The following MTREX variants were observed in gnomAD, a reference collection of about 807,000 sequenced individuals.
MTREX encodes Mtr4 exosome RNA helicase.
MTREX carries 76 observed loss-of-function variants against 135.4 expected under a neutral mutation model. The observed-to-expected ratio is 0.56, with a 90% confidence interval of 0.47 to 0.68. MTREX has a LOEUF of 0.68. Ranked by LOEUF, MTREX falls within the 30% of genes least tolerant of loss-of-function variation. The pLI, the probability that MTREX is intolerant of heterozygous loss-of-function variation, is 0.00. For synonymous variants in MTREX, 404 were observed against 401.6 expected (o/e 1.01, Z -0.07); for missense variants, 920 against 1,262.1 (o/e 0.73, Z 4.11).
At chr5:55,348,931 T>C (rs2085398) in intron 11 of MTREX, among the ~76,000 whole-genome samples, 22,233 of 152,196 alleles carry the variant, frequency 0.15, 2,088 homozygotes, top group East Asian at 0.26. Flanking sequence ...AAAAACTAAG[T>C]TTCACTTTAC....
chr5:55,404,203 T>A (rs1750765889), intron 21 of MTREX, among the ~76,000 whole-genome samples: 1 of 152,234 alleles, frequency 6.6e-6, no homozygotes. Context: ...GGATTTCAAC[T>A]TATCAAAACT....
intron 26 of MTREX, chr5:55,424,019 TC>T (rs1751102122): frequency 6.6e-6 from 1 of 152,134 alleles, no homozygotes. Context: ...AGAAAGAATT[TC>T]ACATGGGAAC....
At chr5:55,413,833 A>G (rs1330331338) in intron 23 of MTREX, among the ~76,000 whole-genome samples, 4 of 152,226 alleles carry the variant, frequency 2.6e-5, no homozygotes, top group Non-Finnish European at 5.9e-5. Flanking sequence ...TTAAACTATG[A>G]TAAAACCCTT....
chr5:55,326,443 C>A (rs569007577), intron 3 of MTREX, among the ~76,000 whole-genome samples: 1 of 152,118 alleles, frequency 6.6e-6, no homozygotes, highest in East Asian at 1.9e-4. Context: ...AAACTCTATT[C>A]TCAGGAGGTC....
At chr5:55,339,602 GA>G in intron 5 of MTREX, among the ~76,000 whole-genome samples, 1 of 152,304 alleles carries the variant, frequency 6.6e-6, no homozygotes, top group East Asian at 1.9e-4. Context: ...AATACATATA[GA>G]TTAACTTATT....
chr5:55,407,623 C>T (rs183010502), intron 22 of MTREX, among the ~76,000 whole-genome samples: 2 of 152,258 alleles, frequency 1.3e-5, no homozygotes, highest in African/African-American at 4.8e-5. Flanking sequence ...CCCATTTTGC[C>T]TTTTTAAACA....
chr5:55,347,827 C>T (rs998014235), intron 11 of MTREX, among the ~76,000 whole-genome samples: 8 of 152,142 alleles, frequency 5.3e-5, no homozygotes, highest in African/African-American at 1.9e-4. Context: ...GCTGGGGATG[C>T]CTCACAATCA....
At chr5:55,382,451 A>G (rs1025454231) in intron 18 of MTREX, among the ~76,000 whole-genome samples, 3 of 152,106 alleles carry the variant, frequency 2.0e-5, no homozygotes, top group African/African-American at 7.2e-5. Context: ...TTCCAGTGTG[A>G]TATAGAGGTG....
At chr5:55,312,077 A>T (rs1209052410) in intron 1 of MTREX, among the ~76,000 whole-genome samples, 1 of 152,178 alleles carries the variant, frequency 6.6e-6, no homozygotes, top group Non-Finnish European at 1.5e-5. Flanking sequence ...AACCTTTCAC[A>T]TGACGGCTTT....
At chr5:55,390,966 A>G (rs776961401) in intron 19 of MTREX, among the ~76,000 whole-genome samples, 18 of 152,118 alleles carry the variant, frequency 1.2e-4, no homozygotes, top group Non-Finnish European at 2.5e-4. Flanking sequence ...TATTAAGTCA[A>G]ATTTCTTGGC....
At chr5:55,376,929 G>T (rs1339932817) in intron 16 of MTREX, among the ~76,000 whole-genome samples, 1 of 151,916 alleles carries the variant, frequency 6.6e-6, no homozygotes, top group Non-Finnish European at 1.5e-5. Flanking sequence ...GAATTAGCTG[G>T]GCATGGTGTG....
At chr5:55,367,243 T>C (rs991419383) in intron 16 of MTREX, among the ~76,000 whole-genome samples, 2 of 152,094 alleles carry the variant, frequency 1.3e-5, no homozygotes, top group African/African-American at 2.4e-5. Context: ...TCCTAGCACT[T>C]TGGGAGGCCG....
At chr5:55,364,799 C>G (rs559583617) in intron 15 of MTREX, among the ~76,000 whole-genome samples, 1 of 149,710 alleles carries the variant, frequency 6.7e-6, no homozygotes, top group African/African-American at 2.5e-5. Flanking sequence ...GGAGAGAGAA[C>G]GCAGAATAAA....
At chr5:55,388,263 C>G (rs996061657) in intron 19 of MTREX, among the ~76,000 whole-genome samples, 161 bp downstream of exon 19, 1 of 152,106 alleles carries the variant, frequency 6.6e-6, no homozygotes, top group Non-Finnish European at 1.5e-5. Context: ...TCTAACGTAT[C>G]AGTAGGATAA....
At chr5:55,328,641 A>AATCAAAGTTTTT (rs1749420098) in intron 4 of MTREX, 58 bp from the exon 5 acceptor site, 5 of 1,195,812 alleles carry the variant, frequency 4.2e-6, no homozygotes, top group Non-Finnish European at 6.2e-6. Context: ...TTTGATTTTA[A>AATCAAAGTTTTT]GTATGCTCTG....
chr5:55,412,633 A>T (rs230770), intron 23 of MTREX, among the ~76,000 whole-genome samples: 12 of 152,200 alleles, frequency 7.9e-5, no homozygotes, highest in Admixed American at 2.0e-4. Context: ...TCACTAATGA[A>T]GTGAAACTTA....
intron 5 of MTREX, among the ~76,000 whole-genome samples, chr5:55,338,623 AGAT>A (rs1749591135): frequency 6.6e-6 from 1 of 150,900 alleles, no homozygotes; most frequent in Non-Finnish European, 1.5e-5. Context: ...GATGTCTTGC[AGAT>A]ACCTGAGTGT....
chr5:55,327,723 T>G lies in MTREX; in HGVS notation c.347T>G (p.Leu116Arg), dbSNP rs779570467. Residue 116 changes from leucine (L) to arginine (R), a missense_variant, in exon 4 of 27, where the codon CTT becomes CGT. Around this residue, in one of 6 missense-constraint regions of MTREX, gnomAD observed 82 missense variants for 107.4 expected, o/e 0.76. Transcript: ENST00000230640. ...TTTTTACTTTGTTGTCAGGTTGCAC[T>G]TCCTGCAGAAGAGGATTATTTACCA... ...TVEGCTHEVA[L>R]PAEEDYLPLK... The G allele has an allele frequency of 8.7e-6, 14 of 1,613,118 alleles. No homozygotes were observed. Among genetic ancestry groups the G allele is most frequent in the Non-Finnish European group, 1.0e-5 (12 of 1,179,338 alleles).
Position 55,425,012 on chromosome 5 carries a change from A to G in MTREX, c.*240A>G. 1 of 779,804 alleles carries G rather than the reference A, an allele frequency of 1.3e-6. No homozygotes were observed. The highest frequency in any genetic ancestry group is 2.0e-6 in the Non-Finnish European group (1 of 499,094). 48.3% of individuals were successfully genotyped at this position (779,804 alleles called of 1,614,324 possible). On this transcript the variant is annotated 3_prime_UTR_variant, in exon 27 of 27. Coordinates refer to ENST00000230640, the MANE Select transcript of MTREX (RefSeq NM_015360.5). ...TGGTGGAAGGCTTGGAGTTTTTTTA[A>G]TGAGTTTAGAGCTATTAGATAACCA...
Sources: gnomAD v4.1 joint callset for allele counts (sites outside exome capture counted in the v4.1 genomes callset) on GRCh38, gnomAD v4.1.1 for gene constraint, gnomAD v4.1.1 regional missense constraint, MANE v1.5 for transcripts, NCBI Gene and HGNC (gene_info 2026-07-23, HGNC 2026-07-21) for gene names.